COPA: variants seen among roughly 807,000 people sequenced by gnomAD.
The protein encoded by COPA is coatomer subunit alpha.
A neutral mutation model predicts 158.7 loss-of-function variants in COPA; 10 were observed. That is an observed-to-expected ratio of 0.06 (90% CI 0.04 to 0.11). The LOEUF (loss-of-function observed/expected upper bound fraction) is 0.11. Among genes scored for constraint, COPA ranks in the 10% least tolerant of loss-of-function variants. COPA has a pLI of 1.00. For missense variants in COPA, 1,065 were observed against 1,536.7 expected (o/e 0.69, Z 5.13); for synonymous variants, 462 against 542.8 (o/e 0.85, Z 2.07).
Position 160,311,611 on chromosome 1 carries a change from G to T in COPA, c.1076+257C>A, listed in dbSNP as rs141306725. On this transcript the variant is annotated intron_variant, in intron 11 of 32. Transcript: ENST00000241704. ...AAAATACAAAAAATTAGCCAGGCGT[G>T]GTGGCGGGCGCCTGTAGTCCCAGTA... Among the ~76,000 whole-genome samples, 274 of 152,152 alleles carry T rather than the reference G, an allele frequency of 1.8e-3. 4 individuals are homozygous for T. In the East Asian group the frequency reaches 0.027, roughly 15 times the overall value.
intron 8 of COPA, chr1:160,317,474 A>G: frequency 1.2e-6 from 2 of 1,609,640 alleles, no homozygotes; most frequent in South Asian, 1.1e-5. Context: ...ATTAAACTCA[A>G]AGTCATTGGA....
At chr1:160,325,758 A>G in intron 6 of COPA, 106 bp from the exon 7 acceptor site, 1 of 822,380 alleles carries the variant, frequency 1.2e-6, no homozygotes, top group Non-Finnish European at 2.0e-6. Context: ...AGAAAAAGAA[A>G]TGGAAAAGAC....
In COPA at chr1:160,305,704, T is replaced by C. The variant is rs761009776; in HGVS notation, c.1512A>G (p.Ala504=). 2.5e-6 allele frequency: 4 copies of C among 1,614,174 alleles called. No individual in the cohort carries two copies. In the South Asian group the frequency reaches 4.4e-5, roughly 18 times the overall value. The part of the protein sequence containing the change: ...VIWSADMSHV[A]LLAKHAIVIC... ...AAGACTCACCGTGTTTGGCTAGTAG[T>C]GCTACATGTGACATGTCTGCTGACC... The change falls in exon 16 of 33, where the codon GCA becomes GCG. Residue 504 remains alanine, a synonymous_variant. Coordinates refer to ENST00000241704, the MANE Select transcript of COPA (RefSeq NM_004371.4).
chr1:160,302,374 GA>G (rs1422615163), intron 17 of COPA, among the ~76,000 whole-genome samples: 2 of 151,938 alleles, frequency 1.3e-5, no homozygotes, highest in Non-Finnish European at 2.9e-5. Context: ...AAACTTTATT[GA>G]AGGATGTTTC....
At position 160,289,010 on chromosome 1, in the gene COPA, G is replaced by A. The variant is rs541187097; in HGVS notation, c.*1147C>T. On this transcript the variant is annotated 3_prime_UTR_variant, in exon 33 of 33. Transcript: ENST00000241704. ...TTTTGAGATGGAGTCTCACTCTGTC[G>A]CCCAGGCTGGAGTGCGGTGGCGCGA... is the stretch of plus-strand genomic sequence containing the variant. Among the ~76,000 whole-genome samples, 2 of 151,564 alleles carry A rather than the reference G, an allele frequency of 1.3e-5. No individual in the cohort carries two copies. Among genetic ancestry groups the A allele is most frequent in the East Asian group, 1.9e-4 (1 of 5,174 alleles).
chr1:160,342,533 T>C (rs1432075590), intron 1 of COPA, among the ~76,000 whole-genome samples: 1 of 152,216 alleles, frequency 6.6e-6, no homozygotes, highest in Non-Finnish European at 1.5e-5. Flanking sequence ...ATTCATTGTT[T>C]ACCTGAAATT....
At chr1:160,325,978 C>A in intron 6 of COPA, 1 of 213,476 alleles carries the variant, frequency 4.7e-6, no homozygotes. Flanking sequence ...CAGTTAATGC[C>A]CACTTTCCAT....
At chr1:160,301,172 A>T (rs552893416) in intron 17 of COPA, among the ~76,000 whole-genome samples, 78 of 152,310 alleles carry the variant, frequency 5.1e-4, no homozygotes, top group African/African-American at 1.4e-3. Context: ...AAATAAAAAA[A>T]AATCAATTTA....
chr1:160,339,170 T>C (rs1647923742), intron 3 of COPA, among the ~76,000 whole-genome samples: 1 of 149,626 alleles, frequency 6.7e-6, no homozygotes, highest in African/African-American at 2.6e-5. Context: ...TTTCTCCTTA[T>C]TGGCCATCAC....
At chr1:160,318,083 C>G (rs1659205518) in intron 8 of COPA, among the ~76,000 whole-genome samples, 1 of 152,098 alleles carries the variant, frequency 6.6e-6, no homozygotes. Context: ...TGGACTGTGA[C>G]TTTCAGTGGG....
intron 17 of COPA, among the ~76,000 whole-genome samples, chr1:160,304,202 G>GAC (rs200944342): frequency 0.014 from 2,064 of 151,350 alleles, 45 homozygotes; most frequent in African/African-American, 0.042. Flanking sequence ...TTTTAGGAGA[G>GAC]AGGGTTTCTC....
chr1:160,296,584 C>T (rs1358300167), intron 21 of COPA, among the ~76,000 whole-genome samples: 1 of 152,166 alleles, frequency 6.6e-6, no homozygotes, highest in Non-Finnish European at 1.5e-5. Context: ...GCAGTTCTGG[C>T]CAACACTTTG....
intron 16 of COPA, 40 bp from the exon 17 acceptor site, chr1:160,305,611 G>C (rs1168914034): frequency 5.0e-6 from 8 of 1,611,024 alleles, no homozygotes; most frequent in Non-Finnish European, 6.8e-6. Flanking sequence ...GTTGGATAGG[G>C]TAAGTGCCGT....
intron 28 of COPA, 96 bp downstream of exon 28, chr1:160,292,388 T>C: frequency 6.3e-7 from 1 of 1,597,794 alleles, no homozygotes; most frequent in Non-Finnish European, 8.5e-7. Context: ...TGGGAAACCC[T>C]AGCTCTGAGA....
intron 7 of COPA, among the ~76,000 whole-genome samples, chr1:160,324,171 A>G (rs930248240): frequency 6.6e-6 from 1 of 151,680 alleles, no homozygotes; most frequent in Non-Finnish European, 1.5e-5. Context: ...GAAAACTTTT[A>G]TAACTTAATG....
intron 27 of COPA, among the ~76,000 whole-genome samples, chr1:160,292,872 G>C (rs1658286229): frequency 6.6e-6 from 1 of 152,076 alleles, no homozygotes; most frequent in African/African-American, 2.4e-5. Context: ...TACTGGCTTA[G>C]TGTTCAAAAC....
At position 160,313,720 on chromosome 1, in the gene COPA, G is replaced by A. The variant is rs146613799; in HGVS notation, c.842+270C>T. On this transcript the variant is annotated intron_variant, in intron 9 of 32. Transcript: ENST00000241704. The stretch of plus-strand genomic sequence containing the variant: ...GAGCCACCGCGCCCGGCCTCATTCC[G>A]CATTTCTTACTTCTCTAGCTACAGA... 3.8e-3 allele frequency among the ~76,000 whole-genome samples: 574 copies of A among 152,196 alleles called. 2 individuals carry two copies. The highest frequency in any genetic ancestry group is 0.013 in the African/African-American group (542 of 41,520).
At chr1:160,323,763 G>C (rs1326888648) in intron 7 of COPA, among the ~76,000 whole-genome samples, 1 of 151,992 alleles carries the variant, frequency 6.6e-6, no homozygotes, top group Admixed American at 6.6e-5. Flanking sequence ...CCTAAACTCA[G>C]CCTCATTTGC....
At chr1:160,331,861 C>G (rs1647538536) in intron 6 of COPA, among the ~76,000 whole-genome samples, 1 of 151,798 alleles carries the variant, frequency 6.6e-6, no homozygotes, top group Non-Finnish European at 1.5e-5. Flanking sequence ...GGGAGAATTG[C>G]TTGAACCCGG....
Sources: allele counts gnomAD v4.1 joint callset (sites outside exome capture counted in the v4.1 genomes callset), GRCh38; gene constraint gnomAD v4.1.1; transcripts MANE v1.5; gene names NCBI Gene and HGNC (gene_info 2026-07-23, HGNC 2026-07-21).